The following DECR1 variants were observed in gnomAD, a reference collection of about 807,000 sequenced individuals.
DECR1 encodes 2,4-dienoyl-CoA reductase [(3E)-enoyl-CoA-producing], mitochondrial.
In DECR1, 44 loss-of-function variants were observed where a neutral mutation model predicts 38.8. The ratio of observed to expected loss-of-function variants is 1.13; its 90% confidence interval spans 0.89 to 1.46. The LOEUF is 1.46. DECR1 is among the 40% of genes most tolerant of loss of function. The pLI is 0.00. For synonymous variants in DECR1, 148 were observed against 135.2 expected (o/e 1.09, Z -0.66); for missense variants, 428 against 405.5 (o/e 1.06, Z -0.48).
intron 8 of DECR1, among the ~76,000 whole-genome samples, chr8:90,046,234 G>T (rs1813897637): frequency 6.6e-6 from 1 of 152,058 alleles, no homozygotes; most frequent in African/African-American, 2.4e-5. Context: ...GGTAATAACA[G>T]ACTTCTCTGA....
At chr8:90,015,746 C>T (rs954199010) in intron 1 of DECR1, 1 of 440,446 alleles carries the variant, frequency 2.3e-6, no homozygotes, top group Non-Finnish European at 4.6e-6. Flanking sequence ...CCTGGTGTGA[C>T]CATTAAGCTT....
intron 6 of DECR1, among the ~76,000 whole-genome samples, chr8:90,038,448 G>A (rs1293852708): frequency 1.4e-5 from 2 of 148,042 alleles, no homozygotes; most frequent in African/African-American, 2.5e-5. Flanking sequence ...GCAGGGCATC[G>A]CGGGCCTTTT....
chr8:90,052,083 T>G lies in DECR1; in HGVS notation c.*186T>G. ...GATAAATAAAATGAAATATAGTCCT[T>G]CAAAACATTAAAAAAAAAAAAAGGA... On this transcript the variant is annotated 3_prime_UTR_variant, in exon 10 of 10. Coordinates refer to ENST00000220764, the MANE Select transcript of DECR1 (RefSeq NM_001359.2). The G allele has an allele frequency of 1.9e-6, 1 of 530,556 alleles. No homozygotes were observed. The highest frequency in any genetic ancestry group is 3.2e-6 in the Non-Finnish European group (1 of 311,572). The allele number at this position is 530,556 out of a possible 1,614,324, so 32.9% of individuals were successfully genotyped here.
rs779605523 is a variant in DECR1 at position 90,019,100 on chromosome 8, G to T, written c.345G>T (p.Gln115His). The T allele has an allele frequency of 1.2e-6, 2 of 1,614,104 alleles. No homozygotes were observed. Among genetic ancestry groups the T allele is most frequent in the African/African-American group, 1.3e-5 (1 of 75,052 alleles). ...TTATTTTGCAGGTTCATGCAATTCA[G>T]TGTGATGTGAGGGATCCTGATATGG... The part of the protein sequence containing the change: ...SQTGNKVHAI[Q>H]CDVRDPDMVQ... Residue 115 changes from glutamine (Q) to histidine (H), a missense_variant, in exon 4 of 10, where the codon CAG becomes CAT. Transcript: ENST00000220764.
intron 8 of DECR1, among the ~76,000 whole-genome samples, chr8:90,049,919 A>G (rs1814026657): frequency 6.6e-6 from 1 of 152,244 alleles, no homozygotes; most frequent in Non-Finnish European, 1.5e-5. Flanking sequence ...AAATACAAGA[A>G]ATGGGGAAAG....
At chr8:90,026,206 A>G (rs906693597) in intron 5 of DECR1, among the ~76,000 whole-genome samples, 2 of 152,126 alleles carry the variant, frequency 1.3e-5, no homozygotes, top group African/African-American at 4.8e-5. Context: ...TGTCTCTGTC[A>G]GGCTTTGGTA....
intron 8 of DECR1, among the ~76,000 whole-genome samples, chr8:90,050,692 A>G (rs1337643614): frequency 6.6e-6 from 1 of 152,260 alleles, no homozygotes; most frequent in Non-Finnish European, 1.5e-5. Flanking sequence ...CGAAAGAATT[A>G]TAAATCATGG....
Position 90,042,794 on chromosome 8 carries a change from A to G in DECR1, c.732A>G (p.Lys244=). ...RFNVIQPGPI[K]TKGAFSRLDP... ...ATGTGATTCAACCAGGGCCTATAAA[A>G]ACCAAAGTAAGTTGTATTTTGCTTG... Residue 244 remains lysine (K), a synonymous_variant, in exon 7 of 10, where the codon AAA becomes AAG. Transcript: ENST00000220764. The G allele has an allele frequency of 6.2e-7, 1 of 1,613,036 alleles. No homozygotes were observed. The highest frequency in any genetic ancestry group is 8.5e-7 in the Non-Finnish European group (1 of 1,179,120).
intron 5 of DECR1, among the ~76,000 whole-genome samples, chr8:90,027,775 A>T (rs7834282): frequency 0.045 from 6,806 of 149,890 alleles, 277 homozygotes; most frequent in East Asian, 0.2. Context: ...TTTTTTTTTT[A>T]AAAAAAAATC....
At chr8:90,013,164 C>T (rs1164835940) in intron 1 of DECR1, among the ~76,000 whole-genome samples, 1 of 152,090 alleles carries the variant, frequency 6.6e-6, no homozygotes, top group Non-Finnish European at 1.5e-5. Flanking sequence ...GAGGACCCAT[C>T]CATAGTGATG....
At chr8:90,012,790 C>T (rs907598492) in intron 1 of DECR1, among the ~76,000 whole-genome samples, 1 of 152,138 alleles carries the variant, frequency 6.6e-6, no homozygotes, top group Non-Finnish European at 1.5e-5. Context: ...AATTTGGAAG[C>T]CTTCCATTTG....
chr8:90,029,989 C>T (rs1410805241), intron 5 of DECR1, among the ~76,000 whole-genome samples: 1 of 152,038 alleles, frequency 6.6e-6, no homozygotes, highest in African/African-American at 2.4e-5. Flanking sequence ...CCTTTTGGCA[C>T]CAGGGACCAT....
chr8:90,036,673 A>G (rs1813623543), intron 5 of DECR1, among the ~76,000 whole-genome samples, 168 bp from the exon 6 acceptor site: 1 of 152,248 alleles, frequency 6.6e-6, no homozygotes, highest in Non-Finnish European at 1.5e-5. Flanking sequence ...AGACATATCA[A>G]TTTTCTTAGG....
intron 5 of DECR1, among the ~76,000 whole-genome samples, chr8:90,027,207 G>T (rs994052506): frequency 2.0e-5 from 3 of 152,152 alleles, no homozygotes; most frequent in Non-Finnish European, 4.4e-5. Context: ...TGTTGATTTG[G>T]GGTGGAGAGT....
At position 90,023,431 on chromosome 8, in the gene DECR1, AC is replaced by A. The variant is rs1399345220; in HGVS notation, c.565+2376del. On this transcript the variant is annotated intron_variant, in intron 5 of 9. Coordinates refer to ENST00000220764, the MANE Select transcript of DECR1 (RefSeq NM_001359.2). ...CCTTTGGATTTTCTGCATTGGTAAT[AC>A]TGTTGGTGAAAAAAAGACAGTTTTT... Among the ~76,000 whole-genome samples the A allele has an allele frequency of 2.6e-5, 4 of 152,102 alleles. No individual in the cohort carries two copies. The East Asian group carries it at 7.7e-4, about 29-fold the overall frequency.
chr8:90,034,268 A>G (rs1813564777), intron 5 of DECR1, among the ~76,000 whole-genome samples: 1 of 152,080 alleles, frequency 6.6e-6, no homozygotes, highest in Non-Finnish European at 1.5e-5. Context: ...TTCAAATTTA[A>G]ATTTCTAAAA....
At chr8:90,004,171 A>G (rs1812685639) in intron 1 of DECR1, among the ~76,000 whole-genome samples, 1 of 151,896 alleles carries the variant, frequency 6.6e-6, no homozygotes, top group African/African-American at 2.4e-5. Context: ...GAAAATATAA[A>G]AATTAGCCGG....
In DECR1 at chr8:90,047,828, A is replaced by C. The variant is rs937878437; in HGVS notation, c.885+2833A>C. ...ATGTAAAAGAACAGAAATTATAACA[A>C]ACTGTCTCTCAGACCACAGTGCAAT... On this transcript the variant is annotated intron_variant, in intron 8 of 9. Transcript: ENST00000220764. Among the ~76,000 whole-genome samples, 5 of 152,218 alleles carry C rather than the reference A, an allele frequency of 3.3e-5. No individual in the cohort carries two copies. The South Asian group carries it at 1.0e-3, about 32-fold the overall frequency.
intron 7 of DECR1, among the ~76,000 whole-genome samples, chr8:90,043,117 A>G (rs2074594): frequency 0.043 from 6,491 of 152,132 alleles, 282 homozygotes; most frequent in East Asian, 0.19. Context: ...GTTAACTTTC[A>G]TGACATTTTA....
Sources: gnomAD v4.1 joint callset for allele counts (sites outside exome capture counted in the v4.1 genomes callset) on GRCh38, gnomAD v4.1.1 for gene constraint, MANE v1.5 for transcripts, NCBI Gene and HGNC (gene_info 2026-07-23, HGNC 2026-07-21) for gene names.